ZNF565: variants seen among roughly 807,000 people sequenced by gnomAD.
The protein encoded by ZNF565 is zinc finger protein 565.
Under a neutral mutation model 39.4 loss-of-function variants are expected in ZNF565, and 27 were observed. The ratio of observed to expected loss-of-function variants is 0.69; its 90% confidence interval spans 0.51 to 0.95. The LOEUF (loss-of-function observed/expected upper bound fraction) is 0.95. Ranked by LOEUF, ZNF565 falls within the 40% of genes least tolerant of loss-of-function variation. The pLI is 0.00. For synonymous variants in ZNF565, 185 were observed against 216.6 expected (o/e 0.85, Z 1.28); for missense variants, 524 against 621.1 (o/e 0.84, Z 1.66).
intron 1 of ZNF565, among the ~76,000 whole-genome samples, chr19:36,224,027 A>G (rs1976971151): frequency 6.6e-6 from 1 of 152,110 alleles, no homozygotes; most frequent in African/African-American, 2.4e-5. Context: ...ATGCTATCAG[A>G]TATGCATCCA....
intron 1 of ZNF565, among the ~76,000 whole-genome samples, chr19:36,241,250 CCAA>C: frequency 6.6e-6 from 1 of 152,074 alleles, no homozygotes; most frequent in Admixed American, 6.5e-5. Flanking sequence ...CTTTGGGAGG[CCAA>C]GGCGGGCGGA....
intron 4 of ZNF565, 82 bp downstream of exon 4, chr19:36,194,151 G>C (rs1477434963): frequency 7.7e-6 from 9 of 1,171,698 alleles, no homozygotes; most frequent in Non-Finnish European, 1.1e-5. Context: ...GGCTTTGAGG[G>C]AACTTCCCAC....
chr19:36,217,570 A>T (rs1390477872), upstream of ZNF565, among the ~76,000 whole-genome samples: 2 of 152,184 alleles, frequency 1.3e-5, no homozygotes, highest in Admixed American at 1.3e-4. Context: ...TGCAGAATGT[A>T]GAGTATGATA....
intron 1 of ZNF565, among the ~76,000 whole-genome samples, chr19:36,220,508 G>A (rs1354934351): frequency 6.6e-6 from 1 of 152,064 alleles, no homozygotes; most frequent in Non-Finnish European, 1.5e-5. Context: ...GGGACTACAG[G>A]TGCATGCCAC....
At chr19:36,194,981 T>C in intron 3 of ZNF565, 49 bp downstream of exon 3, 1 of 1,614,002 alleles carries the variant, frequency 6.2e-7, no homozygotes, top group Non-Finnish European at 8.5e-7. Flanking sequence ...ATGGTTGTAG[T>C]CCCTGTTGCC....
chr19:36,244,326 C>T (rs1216724804), intron 1 of ZNF565, among the ~76,000 whole-genome samples: 1 of 151,722 alleles, frequency 6.6e-6, no homozygotes, highest in East Asian at 1.9e-4. Flanking sequence ...CCGAGGCGAG[C>T]GAATCAGTTG....
intron 1 of ZNF565, among the ~76,000 whole-genome samples, chr19:36,219,696 C>G (rs761615223): frequency 6.6e-6 from 1 of 151,958 alleles, no homozygotes; most frequent in East Asian, 1.9e-4. Flanking sequence ...GTTTTAAAAC[C>G]AATACATAAT....
chr19:36,244,373 A>C (rs1347745069), intron 1 of ZNF565, among the ~76,000 whole-genome samples: 1 of 151,234 alleles, frequency 6.6e-6, no homozygotes, highest in Non-Finnish European at 1.5e-5. Context: ...AAATGGTGAA[A>C]CCCTTCTCTA....
intron 4 of ZNF565, among the ~76,000 whole-genome samples, chr19:36,187,482 T>C (rs989256998): frequency 1.4e-4 from 20 of 145,394 alleles, no homozygotes; most frequent in African/African-American, 4.6e-4. Context: ...CTGCCTCAGC[T>C]TCCCGAGTAG....
At chr19:36,202,161 G>C (rs1975988192) in intron 1 of ZNF565, 111 bp from the exon 2 acceptor site, 2 of 664,852 alleles carry the variant, frequency 3.0e-6, no homozygotes, top group Non-Finnish European at 5.4e-6. Flanking sequence ...TCTCGGATCT[G>C]CTTCTCCCAC....
chr19:36,231,202 A>G (rs1000587007), intron 1 of ZNF565, among the ~76,000 whole-genome samples: 1 of 151,990 alleles, frequency 6.6e-6, no homozygotes, highest in Non-Finnish European at 1.5e-5. Flanking sequence ...GTCTCTACTA[A>G]AAATACAAAA....
chr19:36,213,863 T>G (rs1976470921), intron 1 of ZNF565, among the ~76,000 whole-genome samples: 1 of 151,634 alleles, frequency 6.6e-6, no homozygotes, highest in South Asian at 2.1e-4. Context: ...AGTCACAATA[T>G]CTTTCCAGTC....
rs925712538 is a variant in ZNF565 at position 36,245,102 on chromosome 19, G to A, written c.55+374C>T. Among the ~76,000 whole-genome samples the A allele has an allele frequency of 6.6e-6, 1 of 152,160 alleles. No homozygotes were observed. The highest frequency in any genetic ancestry group is 1.5e-5 in the Non-Finnish European group (1 of 68,024). On this transcript the variant is annotated intron_variant, in intron 1 of 4. Coordinates refer to the ZNF565 transcript ENST00000355114. The surrounding 1 kb of genome is among the most constrained non-coding windows in gnomAD (Gnocchi z 4.4). ...ACGTTTTATTTCTTTTGAGTTTAGG[G>A]ATCCACAGCCTGAGACCCGGCGAGC...
intron 1 of ZNF565, among the ~76,000 whole-genome samples, chr19:36,231,899 C>A (rs565032171): frequency 7.1e-6 from 1 of 140,936 alleles, no homozygotes; most frequent in East Asian, 2.0e-4. Flanking sequence ...GACCCCGTAT[C>A]TTTTTTATTT....
intron 1 of ZNF565, among the ~76,000 whole-genome samples, chr19:36,241,343 A>AT (rs1475843798): frequency 1.3e-5 from 2 of 151,502 alleles, no homozygotes; most frequent in Admixed American, 1.3e-4. Context: ...AATTAGCCAG[A>AT]TGTGGTAGCG....
At chr19:36,212,521 C>A (rs1270727801) in intron 1 of ZNF565, among the ~76,000 whole-genome samples, 2 of 151,818 alleles carry the variant, frequency 1.3e-5, no homozygotes, top group Non-Finnish European at 1.5e-5. Context: ...TCTCAGGAGG[C>A]TGACGCAGGA....
intron 4 of ZNF565, among the ~76,000 whole-genome samples, chr19:36,189,314 G>C (rs923262343): frequency 6.7e-6 from 1 of 149,906 alleles, no homozygotes; most frequent in African/African-American, 2.4e-5. Context: ...TAAATATTAT[G>C]TAATTTTTTT....
chr19:36,221,443 C>T (rs539007359), intron 1 of ZNF565, among the ~76,000 whole-genome samples: 25 of 152,034 alleles, frequency 1.6e-4, no homozygotes, highest in Non-Finnish European at 3.5e-4. Flanking sequence ...TGTCAGCCAC[C>T]ACGCCCGGCT....
Position 36,182,991 on chromosome 19 carries a change from G to A in ZNF565, c.975C>T (p.His325=), listed in dbSNP as rs1195001382. Residue 325 remains histidine (H), a synonymous_variant, in exon 5 of 5, where the codon CAC becomes CAT. Coordinates refer to ENST00000304116, the MANE Select transcript of ZNF565 (RefSeq NM_152477.5). The part of the protein sequence containing the change: ...AFRQHSQLTV[H]QRIHTGEKPY... ...GTTTCTCACCAGTGTGGATTCGCTG[G>A]TGTACAGTCAGCTGTGAGTGCTGTC... is the stretch of plus-strand genomic sequence containing the variant. 3.1e-6 allele frequency: 5 copies of A among 1,613,904 alleles called. No individual in the cohort carries two copies. Among genetic ancestry groups the A allele is most frequent in the Non-Finnish European group, 4.2e-6 (5 of 1,179,976 alleles).
Sources: gnomAD v4.1 joint callset for allele counts (sites outside exome capture counted in the v4.1 genomes callset) on GRCh38, gnomAD v4.1.1 for gene constraint, Gnocchi (gnomAD v3.1) non-coding constraint, MANE v1.5 for transcripts, NCBI Gene and HGNC (gene_info 2026-07-23, HGNC 2026-07-21) for gene names.